The following GPR107 variants were observed in gnomAD, a reference collection of about 807,000 sequenced individuals.
GPR107 encodes G protein-coupled receptor 107, also known as protein GPR107.
Under a neutral mutation model 75.5 loss-of-function variants are expected in GPR107, and 31 were observed. The ratio of observed to expected loss-of-function variants is 0.41; its 90% CI spans 0.31 to 0.55. The LOEUF (loss-of-function observed/expected upper bound fraction) is 0.55. Among genes scored for constraint, GPR107 ranks in the 20% least tolerant of loss-of-function variants. The probability of loss-of-function intolerance (pLI) is 0.26; values close to 1 mark genes in which losing one functional copy is unlikely to be tolerated. For synonymous variants in GPR107, 267 were observed against 251.3 expected, an observed-to-expected ratio of 1.06 and a Z score of -0.59; for missense variants, 572 against 665.7, an observed-to-expected ratio of 0.86 and a Z score of 1.55.
intron 16 of GPR107, among the ~76,000 whole-genome samples, 198 bp downstream of exon 16, chr9:130,127,764 G>A (rs59138888): frequency 0.04 from 6,145 of 152,062 alleles, 420 homozygotes; most frequent in African/African-American, 0.14. Flanking sequence ...GTGCAGTGGC[G>A]CAATCTCAGC....
At chr9:130,104,852 T>C (rs1201337059) in intron 13 of GPR107, among the ~76,000 whole-genome samples, 2 of 152,156 alleles carry the variant, frequency 1.3e-5, no homozygotes, top group Non-Finnish European at 2.9e-5. Context: ...CAGCCTGAAT[T>C]TGTGGTGGTG....
intron 1 of GPR107, among the ~76,000 whole-genome samples, chr9:130,062,420 G>GATAATAATAATA (rs10578697): frequency 0.033 from 4,660 of 139,800 alleles, 93 homozygotes; most frequent in East Asian, 0.072. Context: ...TCTCGAAAAT[G>GATAATAATAATA]ATAATAATAA....
At chr9:130,074,237 G>A (rs1163748183) in intron 1 of GPR107, among the ~76,000 whole-genome samples, 1 of 152,154 alleles carries the variant, frequency 6.6e-6, no homozygotes, top group Non-Finnish European at 1.5e-5. Flanking sequence ...GCAGTGTGGT[G>A]TAGTTCTGTG....
At position 130,137,612 on chromosome 9, in the gene GPR107, T is replaced by A. The variant is rs1335327305; in HGVS notation, c.*2491T>A. On this transcript the variant is annotated 3_prime_UTR_variant, in exon 18 of 18. Coordinates refer to ENST00000347136, the MANE Select transcript of GPR107 (RefSeq NM_020960.5). ...GTGGTTCCAAGCTTTTAAAAAATTA[T>A]TGAAGCTCTCCATCCTGTTCTGTGA... 6.6e-6 allele frequency: 1 copy of A among 152,266 alleles called. No homozygotes were observed. The highest frequency in any genetic ancestry group is 1.5e-5 in the Non-Finnish European group (1 of 68,050). 9.4% of individuals were successfully genotyped at this position (152,266 alleles called of 1,614,324 possible). A position where few individuals can be genotyped will look rare whatever the true frequency, so the allele number is the denominator to read the frequency against.
chr9:130,106,617 A>AAAT (rs138309360), intron 13 of GPR107, among the ~76,000 whole-genome samples: 79,317 of 144,006 alleles, frequency 0.55, 22,445 homozygotes, highest in East Asian at 0.78. Flanking sequence ...ATAAATAAAT[A>AAAT]AATAATAATA....
intron 1 of GPR107, among the ~76,000 whole-genome samples, chr9:130,061,576 C>T (rs987178478): frequency 1.3e-5 from 2 of 152,148 alleles, no homozygotes; most frequent in African/African-American, 4.8e-5. Context: ...GATGAGGAAC[C>T]TGCCCTGGTT....
At chr9:130,108,777 T>C (rs912059388) in intron 14 of GPR107, 14 of 455,924 alleles carry the variant, frequency 3.1e-5, no homozygotes, top group Admixed American at 2.8e-4. Context: ...AGATACCAGG[T>C]TCCCTTCTTT....
intron 15 of GPR107, among the ~76,000 whole-genome samples, chr9:130,125,891 TAAAAAATA>T (rs1831665192): frequency 6.6e-6 from 1 of 151,506 alleles, no homozygotes; most frequent in Admixed American, 6.6e-5. Flanking sequence ...CTACTAAAAA[TAAAAAATA>T]AAAAAATTAG....
chr9:130,099,861 T>A (rs1830973457), intron 10 of GPR107, among the ~76,000 whole-genome samples: 1 of 136,352 alleles, frequency 7.3e-6, no homozygotes, highest in African/African-American at 2.7e-5. Context: ...CTGACTTGTT[T>A]CCACGACTTT....
intron 17 of GPR107, among the ~76,000 whole-genome samples, chr9:130,132,793 C>T (rs566386322): frequency 4.2e-4 from 58 of 138,240 alleles, no homozygotes; most frequent in African/African-American, 1.6e-3. Flanking sequence ...CTCAAAAAAT[C>T]AAATAAAAAA....
In GPR107 at chr9:130,092,334, C is replaced by A; in HGVS notation, c.816C>A (p.Phe272Leu). 1 of 1,611,252 alleles carries A rather than the reference C, an allele frequency of 6.2e-7. No homozygotes were observed. The highest frequency in any genetic ancestry group is 8.5e-7 in the Non-Finnish European group (1 of 1,177,410). ...AATTATACATCTCAATGGCCTTTTT[C>A]TTCTTTCTTTCTGGGACCATCTGGA... ...LPKLYISMAF[F>L]FFLSGTIWIH... Residue 272 changes from phenylalanine (F) to leucine (L), a missense_variant, in exon 9 of 18, where the codon TTC becomes TTA. Coordinates refer to ENST00000347136, the MANE Select transcript of GPR107 (RefSeq NM_020960.5).
chr9:130,067,168 A>ACTGTG (rs1372142511), intron 1 of GPR107, among the ~76,000 whole-genome samples: 2 of 152,094 alleles, frequency 1.3e-5, no homozygotes, highest in Non-Finnish European at 1.5e-5. Context: ...GTATAATGAG[A>ACTGTG]CTGTGCTGTG....
At chr9:130,059,905 A>G (rs1198033647) in intron 1 of GPR107, among the ~76,000 whole-genome samples, 1 of 150,698 alleles carries the variant, frequency 6.6e-6, no homozygotes, top group Non-Finnish European at 1.5e-5. Flanking sequence ...CACCTGGCCA[A>G]TTTTTTGTAT....
chr9:130,091,223 T>C (rs1830727739), intron 8 of GPR107, among the ~76,000 whole-genome samples: 1 of 152,160 alleles, frequency 6.6e-6, no homozygotes, highest in African/African-American at 2.4e-5. Flanking sequence ...GCATGGTGGC[T>C]CATGCCTGTA....
chr9:130,108,774 AG>A (rs1831223068), intron 14 of GPR107: 2 of 455,740 alleles, frequency 4.4e-6, no homozygotes, highest in Non-Finnish European at 8.8e-6. Context: ...CAAAGATACC[AG>A]GTTCCCTTCT....
Position 130,112,643 on chromosome 9 carries a change from C to T in GPR107, c.1306+5104C>T, listed in dbSNP as rs981886219. On this transcript the variant is annotated intron_variant, in intron 14 of 17. Coordinates refer to ENST00000347136, the MANE Select transcript of GPR107 (RefSeq NM_020960.5). The surrounding 1 kb of genome is among the most constrained non-coding windows in gnomAD (Gnocchi z 4.0). ...CATGGGAGGTGTGCACACAGCACTGCTGCTGGGCCTGAAGTGTGATGGGTG... is the reference window on the plus strand; with the variant it reads ...CATGGGAGGTGTGCACACAGCACTGTTGCTGGGCCTGAAGTGTGATGGGTG... 6.6e-6 allele frequency among the ~76,000 whole-genome samples: 1 copy of T among 152,230 alleles called. No homozygotes were observed. Among genetic ancestry groups the T allele is most frequent in the African/African-American group, 2.4e-5 (1 of 41,462 alleles).
chr9:130,074,882 G>A (rs550671695), intron 1 of GPR107, among the ~76,000 whole-genome samples: 9 of 151,414 alleles, frequency 5.9e-5, no homozygotes, highest in Admixed American at 2.7e-4. Flanking sequence ...AGCTTCAGCC[G>A]CTCCTTTTCT....
At chr9:130,058,592 G>A (rs1829850418) in intron 1 of GPR107, among the ~76,000 whole-genome samples, 1 of 151,992 alleles carries the variant, frequency 6.6e-6, no homozygotes, top group Non-Finnish European at 1.5e-5. Context: ...AGCCTCCCGA[G>A]TAGCTGAGAT....
intron 14 of GPR107, among the ~76,000 whole-genome samples, chr9:130,108,528 G>A (rs1348987964): frequency 6.6e-6 from 1 of 152,212 alleles, no homozygotes; most frequent in Admixed American, 6.5e-5. Flanking sequence ...ACAGTATTCT[G>A]GAGGATCTCG....
Sources: allele counts gnomAD v4.1 joint callset (sites outside exome capture counted in the v4.1 genomes callset), GRCh38; gene constraint gnomAD v4.1.1; non-coding constraint Gnocchi (gnomAD v3.1); transcripts MANE v1.5; gene names NCBI Gene and HGNC (gene_info 2026-07-23, HGNC 2026-07-21).